The following HS6ST3 variants were observed in gnomAD, a reference collection of about 807,000 sequenced individuals.
HS6ST3 encodes the protein heparan-sulfate 6-O-sulfotransferase 3.
HS6ST3 carries 12 observed loss-of-function variants against 36.7 expected under a neutral mutation model. The ratio of observed to expected loss-of-function variants is 0.33; its 90% confidence interval spans 0.21 to 0.53. HS6ST3 has a LOEUF of 0.53. HS6ST3 is among the 20% of genes least tolerant of loss of function. The pLI, the probability that HS6ST3 is intolerant of heterozygous loss-of-function variation, is 0.95. For missense variants in HS6ST3, 584 were observed against 640.9 expected, an observed-to-expected ratio of 0.91 and a Z score of 0.96; for synonymous variants, 240 against 257.5, an observed-to-expected ratio of 0.93 and a Z score of 0.65.
intron 1 of HS6ST3, among the ~76,000 whole-genome samples, chr13:96,302,467 A>ACTCTTT (rs2054888460): frequency 6.6e-6 from 1 of 152,166 alleles, no homozygotes; most frequent in Non-Finnish European, 1.5e-5. Flanking sequence ...CAAATAGATA[A>ACTCTTT]ATGGTTATTT....
At chr13:96,762,539 T>C (rs1876996174) in intron 1 of HS6ST3, among the ~76,000 whole-genome samples, 1 of 152,118 alleles carries the variant, frequency 6.6e-6, no homozygotes, top group East Asian at 1.9e-4. Context: ...ACTGTAAACA[T>C]TTCCTACTGC....
In HS6ST3 at chr13:96,388,106, G is replaced by T. The variant is rs149789518; in HGVS notation, c.707+296537G>T. Among the ~76,000 whole-genome samples, 722 of 152,260 alleles carry T rather than the reference G, an allele frequency of 4.7e-3. 9 individuals are homozygous for T. Among genetic ancestry groups the T allele is most frequent in the Non-Finnish European group, 7.6e-3 (514 of 68,018 alleles). ...TTGATTTCTGGAAAATAAATGTCAA[G>T]GTATTTAAACATACACTTTTGGTCA... On this transcript the variant is annotated intron_variant, in intron 1 of 1. Coordinates refer to ENST00000376705, the MANE Select transcript of HS6ST3 (RefSeq NM_153456.4).
intron 1 of HS6ST3, among the ~76,000 whole-genome samples, chr13:96,683,897 AGTTT>A (rs1341623812): frequency 1.3e-5 from 2 of 152,058 alleles, no homozygotes; most frequent in African/African-American, 4.8e-5. Context: ...TGGAGGGTAG[AGTTT>A]GTTTAAGTAG....
intron 1 of HS6ST3, among the ~76,000 whole-genome samples, chr13:96,111,022 A>G (rs1410942751): frequency 1.3e-5 from 2 of 152,204 alleles, no homozygotes; most frequent in African/African-American, 2.4e-5. Flanking sequence ...AAGATATACC[A>G]TAGGTGATTT....
chr13:96,545,840 G>A (rs573608701), intron 1 of HS6ST3, among the ~76,000 whole-genome samples: 1 of 152,242 alleles, frequency 6.6e-6, no homozygotes, highest in Admixed American at 6.5e-5. Context: ...AGAAGAGGTA[G>A]AACGTTAGCT....
At chr13:96,539,831 G>T (rs1395361320) in intron 1 of HS6ST3, among the ~76,000 whole-genome samples, 2 of 152,126 alleles carry the variant, frequency 1.3e-5, no homozygotes, top group Non-Finnish European at 2.9e-5. Flanking sequence ...TTTGTATTTG[G>T]ACACATCCGC....
intron 1 of HS6ST3, among the ~76,000 whole-genome samples, chr13:96,647,723 T>G (rs919336488): frequency 1.3e-5 from 2 of 152,034 alleles, no homozygotes; most frequent in South Asian, 4.1e-4. Flanking sequence ...GATGAAGAAG[T>G]TTTACCCATT....
rs981539807 is a variant in HS6ST3 at position 96,315,413 on chromosome 13, G to A, written c.707+223844G>A. 5.0e-4 allele frequency among the ~76,000 whole-genome samples: 76 copies of A among 152,104 alleles called. 1 individual carries two copies. Among genetic ancestry groups the A allele is most frequent in the Non-Finnish European group, 1.6e-4 (11 of 68,004 alleles). ...ATAACTAGGGATCTTTACTCAGAGT[G>A]TAAGAATATGCTTTTAAACATTTTA... On this transcript the variant is annotated intron_variant, in intron 1 of 1. Coordinates refer to ENST00000376705, the MANE Select transcript of HS6ST3 (RefSeq NM_153456.4).
intron 1 of HS6ST3, among the ~76,000 whole-genome samples, chr13:96,695,462 G>C (rs985307419): frequency 1.1e-4 from 16 of 152,070 alleles, no homozygotes; most frequent in Non-Finnish European, 1.6e-4. Flanking sequence ...TTGTCTCGCT[G>C]TTTCTCCCAG....
chr13:96,488,729 T>G (rs570833947), intron 1 of HS6ST3, among the ~76,000 whole-genome samples: 1 of 152,076 alleles, frequency 6.6e-6, no homozygotes, highest in South Asian at 2.1e-4. Flanking sequence ...TGCATGATAG[T>G]TTTTCTTTTT....
chr13:96,549,383 G>C (rs1302079027), intron 1 of HS6ST3, among the ~76,000 whole-genome samples: 1 of 152,140 alleles, frequency 6.6e-6, no homozygotes, highest in Non-Finnish European at 1.5e-5. Context: ...GGTGGCATGA[G>C]GTTTGGAGTT....
At chr13:96,154,604 A>G (rs1282923413) in intron 1 of HS6ST3, among the ~76,000 whole-genome samples, 3 of 152,188 alleles carry the variant, frequency 2.0e-5, no homozygotes, top group Non-Finnish European at 4.4e-5. Context: ...CAAATCAATA[A>G]AAAAGAAGCT....
chr13:96,102,747 T>C (rs1287000814), intron 1 of HS6ST3, among the ~76,000 whole-genome samples: 1 of 152,226 alleles, frequency 6.6e-6, no homozygotes, highest in African/African-American at 2.4e-5. Flanking sequence ...TTCTTCCTAA[T>C]AAGATATTCA....
At chr13:96,813,381 C>T (rs921939598) in intron 1 of HS6ST3, among the ~76,000 whole-genome samples, 5 of 152,272 alleles carry the variant, frequency 3.3e-5, no homozygotes, top group East Asian at 3.9e-4. Flanking sequence ...ACGCCATCTG[C>T]GTACCCCACC....
rs924839483 is a variant in HS6ST3, at chr13:96,329,639, T to C, written c.707+238070T>C. 3.6e-4 allele frequency among the ~76,000 whole-genome samples: 42 copies of C among 117,206 alleles called. 2 individuals are homozygous for C. Among genetic ancestry groups the C allele is most frequent in the Middle Eastern group, 4.8e-3 (1 of 210 alleles). 76.9% of individuals were successfully genotyped at this position (117,206 alleles called of 152,430 possible). A position where few individuals can be genotyped will look rare whatever the true frequency, so the allele number is the denominator to read the frequency against. On this transcript the variant is annotated intron_variant, in intron 1 of 1. Transcript: ENST00000376705. ...TTTTGGAATAGGTGTGGTGTGGTGC[T>C]GAAAAAAATGTATATTCTGTTGATT...
intron 1 of HS6ST3, among the ~76,000 whole-genome samples, chr13:96,400,262 CACAG>C (rs1286588674): frequency 2.0e-5 from 3 of 150,414 alleles, no homozygotes; most frequent in South Asian, 2.1e-4. Context: ...CACACATACA[CACAG>C]ACATACACAG....
chr13:96,577,431 TG>T (rs535079770), intron 1 of HS6ST3, among the ~76,000 whole-genome samples: 76 of 152,336 alleles, frequency 5.0e-4, no homozygotes, highest in African/African-American at 1.8e-3. Flanking sequence ...AGATTTAGGT[TG>T]GTTCCAAGTC....
At chr13:96,514,026 C>G (rs1018146687) in intron 1 of HS6ST3, among the ~76,000 whole-genome samples, 4 of 152,020 alleles carry the variant, frequency 2.6e-5, no homozygotes, top group African/African-American at 9.7e-5. Context: ...GGGCAGGAGC[C>G]TGACCGTGAG....
intron 1 of HS6ST3, among the ~76,000 whole-genome samples, chr13:96,243,295 C>T (rs2054569919): frequency 6.6e-6 from 1 of 152,120 alleles, no homozygotes; most frequent in Non-Finnish European, 1.5e-5. Flanking sequence ...TTTTCATTTG[C>T]TAGTTGTTTC....
Sources: gnomAD v4.1 joint callset for allele counts (sites outside exome capture counted in the v4.1 genomes callset) on GRCh38, gnomAD v4.1.1 for gene constraint, MANE v1.5 for transcripts, NCBI Gene and HGNC (gene_info 2026-07-23, HGNC 2026-07-21) for gene names.